PIK3C2A: variants seen among roughly 807,000 people sequenced by gnomAD.
PIK3C2A encodes phosphatidylinositol-4-phosphate 3-kinase catalytic subunit type 2 alpha.
PIK3C2A carries 97 observed loss-of-function variants against 204.5 expected under a neutral mutation model. That is an observed-to-expected ratio of 0.47 (90% confidence interval 0.40 to 0.56). The LOEUF is 0.56. Among genes scored for constraint, PIK3C2A ranks in the 20% least tolerant of loss-of-function variants. The pLI is 0.00. For synonymous variants in PIK3C2A, 653 were observed against 664.4 expected (o/e 0.98, Z 0.26); for missense variants, 1,735 against 1,969.2 (o/e 0.88, Z 2.25).
At chr11:17,198,325 G>A (rs527853381) in intron 1 of PIK3C2A, among the ~76,000 whole-genome samples, 1 of 150,850 alleles carries the variant, frequency 6.6e-6, no homozygotes, top group African/African-American at 2.4e-5. Context: ...GGCCAGGCTG[G>A]TCTCGAACTC....
chr11:17,145,263 GT>G (rs1489717264), intron 8 of PIK3C2A, among the ~76,000 whole-genome samples: 1 of 152,156 alleles, frequency 6.6e-6, no homozygotes, highest in Non-Finnish European at 1.5e-5. Flanking sequence ...TTGGCTCTAT[GT>G]CCCCCCCAAA....
intron 27 of PIK3C2A, among the ~76,000 whole-genome samples, chr11:17,095,617 A>G (rs1848431627): frequency 6.6e-6 from 1 of 151,244 alleles, no homozygotes; most frequent in African/African-American, 2.4e-5. Flanking sequence ...AAAAAAATAA[A>G]TAATAAATAA....
At chr11:17,183,672 CTG>C (rs1032811212) in intron 1 of PIK3C2A, among the ~76,000 whole-genome samples, 3 of 151,724 alleles carry the variant, frequency 2.0e-5, no homozygotes, top group Non-Finnish European at 4.4e-5. Context: ...CAGAAAGAAA[CTG>C]TAAAAAAACA....
At chr11:17,201,388 G>T (rs181578548) in intron 1 of PIK3C2A, among the ~76,000 whole-genome samples, 2 of 151,118 alleles carry the variant, frequency 1.3e-5, no homozygotes, top group African/African-American at 4.9e-5. Flanking sequence ...TTAGCCGGGC[G>T]TGGTGACGTG....
chr11:17,119,161 A>C, intron 17 of PIK3C2A, 59 bp downstream of exon 17: 1 of 957,776 alleles, frequency 1.0e-6, no homozygotes, highest in Non-Finnish European at 1.7e-6. Flanking sequence ...TCCCTTAGCA[A>C]GTTCCCATAA....
Position 17,131,921 on chromosome 11 carries a change from A to G in PIK3C2A, c.2226T>C (p.Asp742=), listed in dbSNP as rs1330523122. 4 of 1,601,220 alleles carry G rather than the reference A, an allele frequency of 2.5e-6. No homozygotes were observed. Among genetic ancestry groups the G allele is most frequent in the Non-Finnish European group, 3.4e-6 (4 of 1,174,996 alleles). ...AAGCCAGAAATTTCACTTACAGTTC[A>G]TCCCATTTAATAAGATAGAAGAAAT... The part of the protein sequence containing the change: ...YKNFFYLIKW[D]ELIIFPIQIS... The change falls in exon 12 of 33, where the codon GAT becomes GAC. Residue 742 remains aspartate (D), a synonymous_variant. Transcript: ENST00000691414.
chr11:17,185,187 AT>A (rs1851712971), intron 1 of PIK3C2A, among the ~76,000 whole-genome samples: 1 of 152,124 alleles, frequency 6.6e-6, no homozygotes, highest in African/African-American at 2.4e-5. Flanking sequence ...TGCCTTTTCT[AT>A]GTTTAGATAC....
At chr11:17,197,184 C>T (rs911576473) in intron 1 of PIK3C2A, among the ~76,000 whole-genome samples, 3 of 151,982 alleles carry the variant, frequency 2.0e-5, no homozygotes, top group Admixed American at 1.3e-4. Context: ...CCATGCCTGG[C>T]TAATTTTTTA....
chr11:17,093,237 G>C lies in PIK3C2A; in HGVS notation c.4452-961C>G, dbSNP rs988513652. On this transcript the variant is annotated intron_variant, in intron 28 of 32. Coordinates refer to ENST00000691414, the MANE Select transcript of PIK3C2A (RefSeq NM_002645.4). ...CAAAGGGTATCAGATACAAAACTAA[G>C]ATTTTGATTGACAGTCTCGATGATG... Among the ~76,000 whole-genome samples the C allele has an allele frequency of 7.2e-5, 11 of 152,178 alleles. No individual in the cohort carries two copies. In the East Asian group the frequency reaches 1.2e-3, roughly 16 times the overall value.
chr11:17,202,495 G>C (rs190890139), intron 1 of PIK3C2A, among the ~76,000 whole-genome samples: 1 of 151,036 alleles, frequency 6.6e-6, no homozygotes, highest in African/African-American at 2.4e-5. Context: ...AATCACCCAA[G>C]TGTGGGAGGC....
Position 17,101,748 on chromosome 11 carries a change from G to T in PIK3C2A, c.3852-314C>A, listed in dbSNP as rs144322892. On this transcript the variant is annotated intron_variant, in intron 24 of 32. Coordinates refer to ENST00000691414, the MANE Select transcript of PIK3C2A (RefSeq NM_002645.4). ...CCTCCCGAGTAGCCGGGACCACAGG[G>T]GCCCGCCACCACGCCCGGCTAATTT... 9.2e-5 allele frequency among the ~76,000 whole-genome samples: 14 copies of T among 151,592 alleles called. No individual in the cohort carries two copies. The South Asian group carries it at 1.3e-3, about 14-fold the overall frequency.
intron 1 of PIK3C2A, among the ~76,000 whole-genome samples, chr11:17,181,695 A>AACAC (rs1453685281): frequency 9.3e-6 from 1 of 107,872 alleles, no homozygotes. Flanking sequence ...CACACACACA[A>AACAC]ACACACACAC....
chr11:17,207,129 T>A (rs1453961267), intron 1 of PIK3C2A, among the ~76,000 whole-genome samples: 1 of 152,244 alleles, frequency 6.6e-6, no homozygotes, highest in Non-Finnish European at 1.5e-5. Context: ...ATGTCGTTTT[T>A]AAAGCCAGAA....
chr11:17,105,203 C>A lies in PIK3C2A; in HGVS notation c.3647G>T (p.Arg1216Met). ...TTCTTCTTCAGAGGGATTGTATTTC[C>A]TTAGCCACTCTGCAAGTGGTTTATC... ...FKDKPLAEWL[R>M]KYNPSEEEYE... Residue 1216 changes from arginine to methionine, a missense_variant, in exon 23 of 33, where the codon AGG (arginine) becomes ATG (methionine). Arg to Met is a moderately conservative substitution (Grantham distance 91). Around this residue, in one of 6 missense-constraint regions of PIK3C2A, gnomAD observed 503 missense variants for 669.0 expected, o/e 0.75. Coordinates refer to ENST00000691414, the MANE Select transcript of PIK3C2A (RefSeq NM_002645.4). 1 of 1,610,754 alleles carries A rather than the reference C, an allele frequency of 6.2e-7. No homozygotes were observed. The highest frequency in any genetic ancestry group is 8.5e-7 in the Non-Finnish European group (1 of 1,177,098).
chr11:17,092,856 A>T (rs186776524), intron 28 of PIK3C2A, among the ~76,000 whole-genome samples: 28 of 152,336 alleles, frequency 1.8e-4, no homozygotes, highest in African/African-American at 6.7e-4. Flanking sequence ...AAACGCAATT[A>T]CTTTTGTACC....
chr11:17,181,657 T>TATATAC (rs1851567915), intron 1 of PIK3C2A, among the ~76,000 whole-genome samples: 1 of 109,582 alleles, frequency 9.1e-6, no homozygotes, highest in African/African-American at 5.1e-5. Flanking sequence ...TATATATATA[T>TATATAC]ATACACACAC....
intron 22 of PIK3C2A, among the ~76,000 whole-genome samples, chr11:17,108,992 A>G (rs767654141): frequency 9.9e-5 from 15 of 152,252 alleles, no homozygotes; most frequent in Non-Finnish European, 1.9e-4. Flanking sequence ...ACCAGGACTC[A>G]GTTCCCATTA....
intron 2 of PIK3C2A, among the ~76,000 whole-genome samples, chr11:17,161,000 G>A (rs184609555): frequency 3.9e-5 from 6 of 152,248 alleles, no homozygotes; most frequent in Admixed American, 1.3e-4. Flanking sequence ...GGATGGCCTT[G>A]ACCTCAATTT....
intron 1 of PIK3C2A, among the ~76,000 whole-genome samples, chr11:17,203,110 A>G (rs1326253971): frequency 1.3e-5 from 2 of 152,180 alleles, no homozygotes; most frequent in Non-Finnish European, 2.9e-5. Flanking sequence ...GAAATCCAAG[A>G]ATTAGTTTAA....
Sources: gnomAD v4.1 joint callset for allele counts (sites outside exome capture counted in the v4.1 genomes callset) on GRCh38, gnomAD v4.1.1 for gene constraint, gnomAD v4.1.1 regional missense constraint, MANE v1.5 for transcripts, NCBI Gene and HGNC (gene_info 2026-07-23, HGNC 2026-07-21) for gene names.